Variants in NOS2 observed in about 807,000 individuals in gnomAD.
NOS2 encodes nitric oxide synthase 2, also known as nitric oxide synthase, inducible.
Under a neutral mutation model 136.0 loss-of-function variants are expected in NOS2, and 96 were observed. The observed-to-expected ratio is 0.71, with a 90% CI of 0.60 to 0.84. The LOEUF is 0.84. Among genes scored for constraint, NOS2 ranks in the 40% least tolerant of loss-of-function variants. The pLI is 0.00. For synonymous variants in NOS2, 539 were observed against 587.5 expected (o/e 0.92, Z 1.20); for missense variants, 1,237 against 1,496.9 (o/e 0.83, Z 2.87).
chr17:27,787,885 TG>T lies in NOS2; in HGVS notation c.319-60del, dbSNP rs566023522. ...CATTCGGCCTCTTGCCACCCTCCTC[TG>T]GGGCCAGCTCTCCTGGCCACCTGGC... is the stretch of plus-strand genomic sequence containing the variant. On this transcript the variant is annotated intron_variant, in intron 4 of 26. Coordinates refer to ENST00000313735, the MANE Select transcript of NOS2 (RefSeq NM_000625.4). 2.1e-4 allele frequency: 331 copies of T among 1,540,000 alleles called. 1 individual carries two copies. The African/African-American group carries it at 4.1e-3, about 19-fold the overall frequency.
chr17:27,781,165 G>A lies in NOS2; in HGVS notation c.735C>T (p.Thr245=), dbSNP rs201758824. ...TNNGNIRSAI[T]VFPQRSDGKH... Reference sequence around the variant, plus strand: ...TGCCATCACTCCGCTGGGGGAACACGGTGATGGCCGACCTTCCCAGGACAG... The same window carrying A: ...TGCCATCACTCCGCTGGGGGAACACAGTGATGGCCGACCTTCCCAGGACAG... Residue 245 remains threonine, a synonymous_variant, in exon 8 of 27, where the codon ACC becomes ACT. Coordinates refer to ENST00000313735, the MANE Select transcript of NOS2 (RefSeq NM_000625.4). 3.5e-5 allele frequency: 56 copies of A among 1,607,618 alleles called. No individual in the cohort carries two copies. The highest frequency in any genetic ancestry group is 1.9e-4 in the South Asian group (17 of 91,042).
chr17:27,777,076 C>G (rs942798899), intron 11 of NOS2, among the ~76,000 whole-genome samples: 9 of 152,200 alleles, frequency 5.9e-5, no homozygotes, highest in Admixed American at 5.9e-4. Context: ...GCAAAGCCAG[C>G]CCTTCCCCAA....
At chr17:27,765,804 G>A (rs1335429086) in intron 19 of NOS2, 88 bp from the exon 20 acceptor site, 26 of 1,351,464 alleles carry the variant, frequency 1.9e-5, no homozygotes, top group Non-Finnish European at 2.4e-5. Flanking sequence ...CAGGAAATGT[G>A]CCCTCCTTTC....
At chr17:27,783,683 T>G (rs1233732952) in intron 5 of NOS2, among the ~76,000 whole-genome samples, 1 of 152,152 alleles carries the variant, frequency 6.6e-6, no homozygotes, top group Non-Finnish European at 1.5e-5. Flanking sequence ...GGGAGGTATT[T>G]TTGCATCTAT....
At chr17:27,770,255 G>A (rs1413922124) in intron 15 of NOS2, among the ~76,000 whole-genome samples, 2 of 152,224 alleles carry the variant, frequency 1.3e-5, no homozygotes, top group East Asian at 1.9e-4. Flanking sequence ...TGAGGCGGGC[G>A]GATCACCTGA....
intron 2 of NOS2, among the ~76,000 whole-genome samples, chr17:27,791,967 C>A (rs1169985586): frequency 6.6e-6 from 1 of 152,126 alleles, no homozygotes; most frequent in Non-Finnish European, 1.5e-5. Flanking sequence ...CAGCACCCAC[C>A]CTGCACCCAT....
intron 5 of NOS2, 115 bp downstream of exon 5, chr17:27,787,563 A>T: frequency 1.2e-6 from 1 of 845,734 alleles, no homozygotes; most frequent in Non-Finnish European, 1.8e-6. Flanking sequence ...ATAGTGATTT[A>T]ACACCACAAA....
Position 27,798,873 on chromosome 17 carries a change from C to T in NOS2, c.-64G>A, listed in dbSNP as rs200515233. 99 of 1,020,374 alleles carry T rather than the reference C, an allele frequency of 9.7e-5. 3 individuals are homozygous for T. The South Asian group carries it at 1.2e-3, about 12-fold the overall frequency. The allele number at this position is 1,020,374 out of a possible 1,614,324, so 63.2% of individuals were successfully genotyped here. A position where few individuals can be genotyped will look rare whatever the true frequency, so the allele number is the denominator to read the frequency against. On this transcript the variant is annotated 5_prime_UTR_variant, in exon 2 of 27. Transcript: ENST00000313735. ...TCTGGATTTGAGCTCAGATGTTCTT[C>T]ACTGTGGGGCTGAAGAAGGGAAGCA...
chr17:27,756,945 A>G lies in NOS2; in HGVS notation c.*301T>C, dbSNP rs529506341. The G allele has an allele frequency of 3.4e-5, 12 of 357,786 alleles. No individual in the cohort carries two copies. Among genetic ancestry groups the G allele is most frequent in the African/African-American group, 2.3e-4 (11 of 47,808 alleles). The allele number at this position is 357,786 out of a possible 1,614,324, so 22.2% of individuals were successfully genotyped here. The stretch of plus-strand genomic sequence containing the variant: ...GATAGCACCTCCTGGTGGTCACTTG[A>G]AGTGGTGCACTCAGCAGCAAGTTCC... On this transcript the variant is annotated 3_prime_UTR_variant, in exon 27 of 27. Coordinates refer to ENST00000313735, the MANE Select transcript of NOS2 (RefSeq NM_000625.4).
At chr17:27,778,636 A>T (rs1369780128) in intron 11 of NOS2, 54 bp downstream of exon 11, 1 of 1,380,566 alleles carries the variant, frequency 7.2e-7, no homozygotes, top group Non-Finnish European at 1.0e-6. Context: ...AAGTCACTGG[A>T]TCAGTTAAGC....
intron 5 of NOS2, among the ~76,000 whole-genome samples, chr17:27,783,524 C>T (rs1424555458): frequency 6.6e-6 from 1 of 152,142 alleles, no homozygotes; most frequent in African/African-American, 2.4e-5. Context: ...CAATGTCCTG[C>T]CTCTCCATTA....
chr17:27,773,094 C>T lies in NOS2; in HGVS notation c.1559+67G>A, dbSNP rs1029282377. 2.6e-4 allele frequency: 327 copies of T among 1,243,398 alleles called. 2 individuals carry two copies. The highest frequency in any genetic ancestry group is 3.1e-4 in the Non-Finnish European group (263 of 845,400). 77.0% of individuals were successfully genotyped at this position (1,243,398 alleles called of 1,614,324 possible). ...GTTCTTGCCCTTCAAGGACTGGAGG[C>T]AGAGGCTGACTAGAAGGGAGAGATA... On this transcript the variant is annotated intron_variant, in intron 13 of 26. Transcript: ENST00000313735.
chr17:27,774,376 A>G lies in NOS2; in HGVS notation c.1357T>C (p.Ser453Pro), dbSNP rs1005222168. Residue 453 changes from serine (S) to proline (P), a missense_variant, in exon 12 of 27, where the codon TCC (serine) becomes CCC (proline). By Grantham distance (74) the Ser-to-Pro change is moderately conservative. Coordinates refer to ENST00000313735, the MANE Select transcript of NOS2 (RefSeq NM_000625.4). ...FMKYMQNEYR[S>P]RGGCPADWIW... ...CAGTCTGCCGGGCAGCCCCCACGGG[A>G]CCGGTATTCATTCTGCATGTACTTC... is the stretch of plus-strand genomic sequence containing the variant. The G allele has an allele frequency of 9.5e-6, 15 of 1,582,698 alleles. No individual in the cohort carries two copies. The highest frequency in any genetic ancestry group is 1.3e-5 in the Non-Finnish European group (15 of 1,164,394).
intron 11 of NOS2, among the ~76,000 whole-genome samples, chr17:27,778,456 T>C (rs577896786): frequency 2.6e-4 from 40 of 152,084 alleles, no homozygotes; most frequent in Non-Finnish European, 5.0e-4. Flanking sequence ...ACATTGATGA[T>C]ACAGAGAGAG....
At chr17:27,776,111 G>T (rs577729818) in intron 11 of NOS2, among the ~76,000 whole-genome samples, 31 of 152,308 alleles carry the variant, frequency 2.0e-4, no homozygotes, top group African/African-American at 6.7e-4. Flanking sequence ...GCGAATTTCG[G>T]GAGCAGCTCC....
At chr17:27,772,051 G>T (rs555727848) in intron 14 of NOS2, among the ~76,000 whole-genome samples, 1 of 152,378 alleles carries the variant, frequency 6.6e-6, no homozygotes, top group Non-Finnish European at 1.5e-5. Flanking sequence ...AGCCAGAGCA[G>T]CTGATGTATG....
chr17:27,771,940 C>A (rs527613244), intron 14 of NOS2, among the ~76,000 whole-genome samples: 1 of 152,198 alleles, frequency 6.6e-6, no homozygotes, highest in African/African-American at 2.4e-5. Context: ...AGACCCTCTG[C>A]GGCCTTTTTT....
chr17:27,776,532 G>A (rs1483096892), intron 11 of NOS2, among the ~76,000 whole-genome samples: 8 of 152,022 alleles, frequency 5.3e-5, no homozygotes, highest in African/African-American at 1.9e-4. Context: ...AATTAGCCGG[G>A]TATGGTGGTG....
intron 24 of NOS2, 43 bp from the exon 25 acceptor site, chr17:27,760,221 G>A: frequency 6.7e-7 from 1 of 1,499,386 alleles, no homozygotes; most frequent in African/African-American, 1.4e-5. Context: ...GGCCACCAGA[G>A]GGCGCCAGGG....
Sources: gnomAD v4.1 joint callset for allele counts (sites outside exome capture counted in the v4.1 genomes callset) on GRCh38, gnomAD v4.1.1 for gene constraint, MANE v1.5 for transcripts, NCBI Gene and HGNC (gene_info 2026-07-23, HGNC 2026-07-21) for gene names.